Variants in SPMIP2 observed in about 807,000 individuals in gnomAD.
SPMIP2 encodes sperm microtubule inner protein 2, also known as protein SPMIP2.
chr4:158,904,327 T>C, the SPMIP2 span: 1 of 696,200 alleles, frequency 1.4e-6, no homozygotes, highest in Non-Finnish European at 2.4e-6. Flanking sequence ...TTCCATCTGT[T>C]TTGCTTTTTC....
chr4:159,052,078 C>A, the SPMIP2 span, among the ~76,000 whole-genome samples: 2 of 152,032 alleles, frequency 1.3e-5, no homozygotes, highest in Admixed American at 6.6e-5. Flanking sequence ...AGATTCCCCC[C>A]AGAAAGTGCA....
the SPMIP2 span, among the ~76,000 whole-genome samples, chr4:159,071,670 AG>A: frequency 6.6e-6 from 1 of 152,122 alleles, no homozygotes; most frequent in Non-Finnish European, 1.5e-5. Flanking sequence ...TTTGTACCTG[AG>A]AATTCTTTTT....
At chr4:159,074,308 GA>G in the SPMIP2 span, among the ~76,000 whole-genome samples, 22 of 152,104 alleles carry the variant, frequency 1.4e-4, no homozygotes, top group Admixed American at 5.9e-4. Flanking sequence ...GGCAGGCGTA[GA>G]AGAGAGCTGC....
At chr4:158,908,080 A>G in the SPMIP2 span, 13 of 152,188 alleles carry the variant, frequency 8.5e-5, no homozygotes, top group Non-Finnish European at 1.6e-4. Flanking sequence ...GCGATTTGTT[A>G]TATTTAATAA....
the SPMIP2 span, among the ~76,000 whole-genome samples, chr4:159,018,671 C>G: frequency 6.3e-3 from 955 of 152,190 alleles, 16 homozygotes; most frequent in African/African-American, 0.022. Context: ...GGTCTTGTCC[C>G]CCTGGCAAAA....
At chr4:158,917,845 C>G in the SPMIP2 span, among the ~76,000 whole-genome samples, 1 of 149,824 alleles carries the variant, frequency 6.7e-6, no homozygotes, top group Non-Finnish European at 1.5e-5. Context: ...CCTCAGCCTC[C>G]CAAGTAGCTG....
chr4:158,972,735 CTTCT>C, the SPMIP2 span, among the ~76,000 whole-genome samples: 2 of 152,252 alleles, frequency 1.3e-5, no homozygotes, highest in Non-Finnish European at 2.9e-5. Context: ...CCAGCACAGG[CTTCT>C]TTCTTTCCAT....
chr4:159,055,527 G>T, the SPMIP2 span, among the ~76,000 whole-genome samples: 6 of 152,018 alleles, frequency 3.9e-5, no homozygotes, highest in Non-Finnish European at 7.4e-5. Context: ...GGGCAACCGG[G>T]CAAAACCGCA....
At chr4:159,005,716 C>A in the SPMIP2 span, among the ~76,000 whole-genome samples, 4 of 152,120 alleles carry the variant, frequency 2.6e-5, no homozygotes, top group African/African-American at 9.7e-5. Context: ...ATTGAAATAA[C>A]TTTGGATTTA....
chr4:159,071,201 T>C, the SPMIP2 span, among the ~76,000 whole-genome samples: 1 of 152,160 alleles, frequency 6.6e-6, no homozygotes, highest in Non-Finnish European at 1.5e-5. Flanking sequence ...GAGGGGAAAA[T>C]CTTTTGAGGC....
At chr4:158,964,544 G>A in the SPMIP2 span, among the ~76,000 whole-genome samples, 2 of 152,254 alleles carry the variant, frequency 1.3e-5, no homozygotes, top group South Asian at 4.1e-4. Flanking sequence ...TTCATAGATC[G>A]GAAAACTGAG....
At chr4:159,075,822 A>C in the SPMIP2 span, among the ~76,000 whole-genome samples, 12 of 150,986 alleles carry the variant, frequency 7.9e-5, no homozygotes, top group African/African-American at 2.7e-4. Context: ...AAAGCTCTTC[A>C]GTATTTTGTA....
chr4:159,044,775 C>T, the SPMIP2 span, among the ~76,000 whole-genome samples: 2 of 152,158 alleles, frequency 1.3e-5, no homozygotes, highest in Non-Finnish European at 2.9e-5. Context: ...TGGCACAAGG[C>T]ATTTTCTTTA....
chr4:159,008,303 T>A, the SPMIP2 span, among the ~76,000 whole-genome samples: 1 of 152,238 alleles, frequency 6.6e-6, no homozygotes, highest in South Asian at 2.1e-4. Context: ...TCGGGCATGG[T>A]GGCTCATGCC....
the SPMIP2 span, among the ~76,000 whole-genome samples, chr4:159,042,297 T>C: frequency 2.0e-5 from 3 of 152,248 alleles, no homozygotes; most frequent in Non-Finnish European, 4.4e-5. Flanking sequence ...TTTGCTCTCT[T>C]CGAGGCTGCT....
the SPMIP2 span, among the ~76,000 whole-genome samples, chr4:158,916,642 TGTATGTATGTA>T: frequency 6.6e-6 from 1 of 151,798 alleles, no homozygotes; most frequent in African/African-American, 2.4e-5. Flanking sequence ...TATGTATGTA[TGTATGTATGTA>T]TGTTTGTAGA....
the SPMIP2 span, among the ~76,000 whole-genome samples, chr4:159,060,537 A>T: frequency 5.9e-5 from 9 of 152,308 alleles, no homozygotes; most frequent in East Asian, 9.6e-4. Context: ...GGTGGCCTGA[A>T]CACAGAATAG....
chr4:158,897,919 T>A, the SPMIP2 span, among the ~76,000 whole-genome samples: 3 of 152,240 alleles, frequency 2.0e-5, no homozygotes, highest in Non-Finnish European at 2.9e-5. Context: ...TGCCCATGCC[T>A]ATGCCTGAAT....
At chr4:159,014,139 C>T in the SPMIP2 span, among the ~76,000 whole-genome samples, 1 of 152,206 alleles carries the variant, frequency 6.6e-6, no homozygotes. Flanking sequence ...AGCACTCCAA[C>T]ATTAAACCAT....
Sources: gnomAD v4.1 joint callset for allele counts (sites outside exome capture counted in the v4.1 genomes callset) on GRCh38, gnomAD v4.1.1 for gene constraint, MANE v1.5 for transcripts, NCBI Gene and HGNC (gene_info 2026-07-23, HGNC 2026-07-21) for gene names.